The following SPEF2 variants were observed in gnomAD, a reference collection of about 807,000 sequenced individuals.
SPEF2 encodes the protein sperm flagellar and cilia associated 2, also known as sperm flagella and cilia-associated protein 2.
Under a neutral mutation model 224.6 loss-of-function variants are expected in SPEF2, and 187 were observed. The observed-to-expected ratio is 0.83, with a 90% CI of 0.74 to 0.94. The LOEUF is 0.94. Ranked by LOEUF, SPEF2 falls within the 40% of genes least tolerant of loss-of-function variation. The pLI is 0.00. For missense variants in SPEF2, 2,170 were observed against 2,135.6 expected (o/e 1.02, Z -0.32); for synonymous variants, 715 against 707.3 (o/e 1.01, Z -0.17).
At chr5:35,718,716 G>A (rs906859792) in intron 20 of SPEF2, among the ~76,000 whole-genome samples, 5 of 152,148 alleles carry the variant, frequency 3.3e-5, no homozygotes, top group South Asian at 4.1e-4. Flanking sequence ...GGACACTAAC[G>A]TGACCTTTAT....
chr5:35,712,631 G>T (rs769806947), intron 19 of SPEF2, among the ~76,000 whole-genome samples, 181 bp from the exon 20 acceptor site: 17 of 152,200 alleles, frequency 1.1e-4, no homozygotes, highest in Non-Finnish European at 2.1e-4. Flanking sequence ...CATTCCAGAA[G>T]TTTCAACCCA....
intron 27 of SPEF2, among the ~76,000 whole-genome samples, chr5:35,773,470 T>C (rs1239113418): frequency 2.0e-5 from 3 of 152,158 alleles, no homozygotes. Flanking sequence ...CGTATCTTCT[T>C]TTTTGGTGAA....
intron 34 of SPEF2, among the ~76,000 whole-genome samples, chr5:35,803,905 T>C (rs1757754212): frequency 6.6e-6 from 1 of 152,244 alleles, no homozygotes; most frequent in African/African-American, 2.4e-5. Flanking sequence ...CCACAGCTTC[T>C]TGGGTAATTT....
At chr5:35,721,029 A>G (rs904635747) in intron 20 of SPEF2, among the ~76,000 whole-genome samples, 6 of 152,192 alleles carry the variant, frequency 3.9e-5, no homozygotes, top group African/African-American at 1.2e-4. Flanking sequence ...TCCCTTTACA[A>G]ATTTTGCCAA....
chr5:35,759,964 G>A (rs960301892), intron 25 of SPEF2, among the ~76,000 whole-genome samples: 3 of 152,106 alleles, frequency 2.0e-5, no homozygotes, highest in Non-Finnish European at 4.4e-5. Context: ...TGTGTTTTAT[G>A]ACGGAGTCAT....
chr5:35,700,804 C>G (rs1209984209), intron 16 of SPEF2, 52 bp downstream of exon 16: 1 of 1,569,606 alleles, frequency 6.4e-7, no homozygotes, highest in Non-Finnish European at 8.7e-7. Flanking sequence ...ACTCTTTGTT[C>G]TTTGAATCAG....
At chr5:35,744,553 ACT>A (rs1397612928) in intron 23 of SPEF2, among the ~76,000 whole-genome samples, 1 of 152,190 alleles carries the variant, frequency 6.6e-6, no homozygotes, top group Non-Finnish European at 1.5e-5. Flanking sequence ...AAGGTTTCAC[ACT>A]GAGTCCGTGG....
intron 19 of SPEF2, among the ~76,000 whole-genome samples, chr5:35,711,742 G>A (rs1196041827): frequency 9.0e-6 from 1 of 111,250 alleles, no homozygotes; most frequent in African/African-American, 3.2e-5. Context: ...TGGAATCTTG[G>A]TTATCATGTC....
intron 36 of SPEF2, among the ~76,000 whole-genome samples, chr5:35,808,739 T>C (rs1211734525): frequency 1.3e-5 from 2 of 148,348 alleles, no homozygotes; most frequent in Admixed American, 6.8e-5. Context: ...TGTATATATA[T>C]ACACACATAT....
chr5:35,755,691 C>T (rs1367522295), intron 24 of SPEF2, among the ~76,000 whole-genome samples: 1 of 152,194 alleles, frequency 6.6e-6, no homozygotes, highest in African/African-American at 2.4e-5. Flanking sequence ...CTCACTGCAA[C>T]CTCTGCCTCC....
At chr5:35,801,046 C>G (rs924210780) in intron 34 of SPEF2, among the ~76,000 whole-genome samples, 1 of 152,178 alleles carries the variant, frequency 6.6e-6, no homozygotes, top group African/African-American at 2.4e-5. Flanking sequence ...AGATCTCCTT[C>G]CCATTCCACT....
intron 3 of SPEF2, chr5:35,643,403 G>T (rs1367038266): frequency 1.6e-5 from 7 of 446,998 alleles, no homozygotes; most frequent in Non-Finnish European, 2.7e-5. Context: ...TGAGGAAGAG[G>T]GTAACATAGA....
At chr5:35,720,672 A>C (rs1170361940) in intron 20 of SPEF2, among the ~76,000 whole-genome samples, 1 of 152,202 alleles carries the variant, frequency 6.6e-6, no homozygotes, top group Admixed American at 6.5e-5. Context: ...GCATATACTT[A>C]GACATTAGAA....
At chr5:35,656,131 T>C (rs1362967827) in intron 7 of SPEF2, among the ~76,000 whole-genome samples, 4 of 152,050 alleles carry the variant, frequency 2.6e-5, no homozygotes, top group Non-Finnish European at 5.9e-5. Flanking sequence ...GGAGGTGTAA[T>C]TTGCTGAGAT....
intron 20 of SPEF2, among the ~76,000 whole-genome samples, chr5:35,715,104 A>G (rs939131593): frequency 6.6e-6 from 1 of 151,928 alleles, no homozygotes; most frequent in East Asian, 1.9e-4. Context: ...TTTTGTAGAG[A>G]TGGGGTTTCA....
At chr5:35,631,059 T>C (rs1745038530) in intron 2 of SPEF2, among the ~76,000 whole-genome samples, 2 of 152,288 alleles carry the variant, frequency 1.3e-5, no homozygotes, top group African/African-American at 4.8e-5. Context: ...TACCCAAGAC[T>C]GGGCAATTTA....
intron 19 of SPEF2, chr5:35,710,608 A>G (rs1740911394): frequency 3.0e-6 from 3 of 985,070 alleles, no homozygotes; most frequent in African/African-American, 3.5e-5. Flanking sequence ...ACAGTGGGTC[A>G]GGTGAGCCTA....
chr5:35,771,681 TCTC>T lies in SPEF2; in HGVS notation c.3878_3880del (p.Pro1293del), dbSNP rs776264761. 2.5e-6 allele frequency: 4 copies of T among 1,610,238 alleles called. No individual in the cohort carries two copies. Among genetic ancestry groups the T allele is most frequent in the Non-Finnish European group, 2.5e-6 (3 of 1,178,870 alleles). On this transcript the variant is annotated inframe_deletion, in exon 27 of 37. Coordinates refer to ENST00000356031, the MANE Select transcript of SPEF2 (RefSeq NM_024867.4). ...CCAGCCAGCAGACCCCAAAGAAAAATCTCCTCAGATGGGTGCAAATAAAAAAGT... is the reference window on the plus strand; with the variant it reads ...CCAGCCAGCAGACCCCAAAGAAAAATCTCAGATGGGTGCAAATAAAAAAGT...
rs139870084 is a variant in SPEF2, at chr5:35,667,165, C to T, written c.1261C>T (p.Arg421Cys). 4.3e-6 allele frequency: 7 copies of T among 1,612,326 alleles called. No individual in the cohort carries two copies. The highest frequency in any genetic ancestry group is 2.2e-5 in the East Asian group (1 of 44,780). ...DQIAVERAQA[R>C]YEKHYSVCAE... ...GATTGCTGTGGAAAGAGCTCAAGCT[C>T]GTTATGAAAAGCATTATTCAGTATG... The change falls in exon 9 of 37, where the codon CGT becomes TGT. Residue 421 changes from arginine (R) to cysteine (C), a missense_variant. Physicochemically the swap from Arg to Cys is radical, Grantham distance 180. Coordinates refer to ENST00000356031, the MANE Select transcript of SPEF2 (RefSeq NM_024867.4).
Sources: allele counts gnomAD v4.1 joint callset (sites outside exome capture counted in the v4.1 genomes callset), GRCh38; gene constraint gnomAD v4.1.1; transcripts MANE v1.5; gene names NCBI Gene and HGNC (gene_info 2026-07-23, HGNC 2026-07-21).